The following TPTE2 variants were observed in gnomAD, a reference collection of about 807,000 sequenced individuals.
The protein encoded by TPTE2 is transmembrane phosphoinositide 3-phosphatase and tensin homolog 2.
A neutral mutation model predicts 78.6 loss-of-function variants in TPTE2; 53 were observed. That is an observed-to-expected ratio of 0.67 (90% CI 0.54 to 0.85). The LOEUF is 0.85. Ranked by LOEUF, TPTE2 falls within the 40% of genes least tolerant of loss-of-function variation. The probability of loss-of-function intolerance (pLI) is 0.00; values close to 1 mark genes in which losing one functional copy is unlikely to be tolerated. For missense variants in TPTE2, 461 were observed against 623.0 expected (o/e 0.74, Z 2.77); for synonymous variants, 175 against 206.2 (o/e 0.85, Z 1.30).
At chr13:19,435,866 A>G (rs1325956940) in intron 15 of TPTE2, among the ~76,000 whole-genome samples, 1 of 151,902 alleles carries the variant, frequency 6.6e-6, no homozygotes, top group East Asian at 1.9e-4. Context: ...TTTGTGAAAG[A>G]CTTGGATCTT....
intron 10 of TPTE2, among the ~76,000 whole-genome samples, chr13:19,451,732 C>T (rs1023551555): frequency 2.6e-5 from 4 of 151,482 alleles, no homozygotes; most frequent in African/African-American, 9.7e-5. Context: ...TTTTAAATAA[C>T]TGGTAACAAT....
At chr13:19,477,703 T>G (rs977154260) in intron 4 of TPTE2, among the ~76,000 whole-genome samples, 1 of 152,180 alleles carries the variant, frequency 6.6e-6, no homozygotes, top group African/African-American at 2.4e-5. Context: ...AGAAGTGGCT[T>G]GGGTGGCTTT....
chr13:19,541,971 G>C, the TPTE2 span, among the ~76,000 whole-genome samples: 1 of 151,794 alleles, frequency 6.6e-6, no homozygotes, highest in African/African-American at 2.4e-5. Context: ...TTGTTTTCTG[G>C]GAAGATTTTA....
At chr13:19,517,971 A>G (rs1869909904) in intron 1 of TPTE2, among the ~76,000 whole-genome samples, 1 of 152,156 alleles carries the variant, frequency 6.6e-6, no homozygotes, top group Non-Finnish European at 1.5e-5. Flanking sequence ...CTTCTTATTT[A>G]CTCTGATGAA....
At chr13:19,474,005 T>C in exon 6 of TPTE2, 1 of 1,610,008 alleles carries the variant, frequency 6.2e-7, no homozygotes, top group Non-Finnish European at 8.5e-7. Flanking sequence ...ATATAAAGTT[T>C]GCTGTCAGTG....
chr13:19,465,323 G>C lies in TPTE2; in HGVS notation c.613-5C>G, dbSNP rs201829483. The C allele has an allele frequency of 1.2e-5, 19 of 1,613,724 alleles. No individual in the cohort carries two copies. The highest frequency in any genetic ancestry group is 2.7e-5 in the African/African-American group (2 of 74,962). On this transcript the variant is annotated splice_region_variant and splice_polypyrimidine_tract_variant and intron_variant, in intron 8 of 19. Transcript: ENST00000400230. ...TCGCCTTTTGTTTTCTGAAACCTGA[G>C]AGTTTAAAATCATCATTAGTTTGTG... is the stretch of plus-strand genomic sequence containing the variant.
chr13:19,556,547 G>A, the TPTE2 span, among the ~76,000 whole-genome samples: 1 of 152,104 alleles, frequency 6.6e-6, no homozygotes, highest in Non-Finnish European at 1.5e-5. Flanking sequence ...CCACCTTTGA[G>A]TTGGAATCTC....
chr13:19,443,414 T>C (rs9319433), intron 13 of TPTE2, among the ~76,000 whole-genome samples: 79,249 of 137,180 alleles, frequency 0.58, 25,550 homozygotes, highest in East Asian at 0.86. Flanking sequence ...TTTTTTTTGT[T>C]TCATTTTTTC....
chr13:19,437,384 T>C (rs1877174117), intron 14 of TPTE2, among the ~76,000 whole-genome samples: 1 of 152,176 alleles, frequency 6.6e-6, no homozygotes, highest in Non-Finnish European at 1.5e-5. Context: ...GAAAAATGAC[T>C]GAGAACTCTG....
intron 1 of TPTE2, among the ~76,000 whole-genome samples, chr13:19,496,851 C>G (rs531692343): frequency 7.9e-5 from 12 of 152,318 alleles, no homozygotes; most frequent in African/African-American, 2.6e-4. Context: ...GTGAGCGACG[C>G]GGAAGACAGT....
At chr13:19,528,664 G>A (rs572397098) in intron 1 of TPTE2, among the ~76,000 whole-genome samples, 2 of 152,258 alleles carry the variant, frequency 1.3e-5, no homozygotes, top group East Asian at 3.9e-4. Flanking sequence ...TCCAGTTCTC[G>A]CTAGCTCAGA....
intron 1 of TPTE2, among the ~76,000 whole-genome samples, chr13:19,500,558 T>A (rs1470302102): frequency 8.5e-5 from 13 of 152,124 alleles, no homozygotes; most frequent in Admixed American, 7.9e-4. Context: ...ACCACATGAT[T>A]ATCTCAATAG....
intron 10 of TPTE2, among the ~76,000 whole-genome samples, chr13:19,451,672 A>G (rs1041941923): frequency 3.9e-5 from 6 of 152,162 alleles, no homozygotes; most frequent in African/African-American, 1.2e-4. Context: ...TGCAAAAAGT[A>G]TATAGCATGA....
At chr13:19,488,544 C>T (rs1411251317) in intron 3 of TPTE2, among the ~76,000 whole-genome samples, 3 of 152,232 alleles carry the variant, frequency 2.0e-5, no homozygotes, top group Non-Finnish European at 4.4e-5. Context: ...TTGCCTTGCA[C>T]TTTTATGTTA....
At chr13:19,510,014 T>G (rs1869323701) in intron 1 of TPTE2, among the ~76,000 whole-genome samples, 1 of 152,160 alleles carries the variant, frequency 6.6e-6, no homozygotes, top group African/African-American at 2.4e-5. Flanking sequence ...GAAATTACCT[T>G]TGTAGACTGA....
intron 7 of TPTE2, 61 bp downstream of exon 10, chr13:19,467,164 G>A (rs1331650722): frequency 2.1e-6 from 3 of 1,454,012 alleles, no homozygotes; most frequent in South Asian, 2.6e-5. Context: ...TAGAATAAAA[G>A]CCACAGAAAA....
At chr13:19,433,411 G>C (rs1220451317) in intron 15 of TPTE2, among the ~76,000 whole-genome samples, 1 of 152,182 alleles carries the variant, frequency 6.6e-6, no homozygotes, top group Non-Finnish European at 1.5e-5. Context: ...GCTGAGGCAG[G>C]AGAATCGCTT....
At chr13:19,495,095 G>T (rs996392277) in intron 1 of TPTE2, among the ~76,000 whole-genome samples, 25 of 152,098 alleles carry the variant, frequency 1.6e-4, no homozygotes, top group Admixed American at 1.6e-3. Context: ...TCTAAGTCCC[G>T]CTTCGTATAA....
chr13:19,505,181 T>C (rs2932157), upstream of TPTE2, among the ~76,000 whole-genome samples: 149,662 of 152,204 alleles, frequency 0.98, 73,632 homozygotes, highest in Middle Eastern at 1. Flanking sequence ...CTCACTCTCA[T>C]CGAGGCTGGA....
Sources: gnomAD v4.1 joint callset for allele counts (sites outside exome capture counted in the v4.1 genomes callset) on GRCh38, gnomAD v4.1.1 for gene constraint, MANE v1.5 for transcripts, NCBI Gene and HGNC (gene_info 2026-07-23, HGNC 2026-07-21) for gene names.